CAMK1D: variants seen among roughly 807,000 people sequenced by gnomAD.
CAMK1D encodes calcium/calmodulin-dependent protein kinase type 1D.
CAMK1D carries 9 observed loss-of-function variants against 47.7 expected under a neutral mutation model. The ratio of observed to expected loss-of-function variants is 0.19; its 90% CI spans 0.11 to 0.33. The LOEUF is 0.33. Ranked by LOEUF, CAMK1D falls within the 10% of genes least tolerant of loss-of-function variation. The probability of loss-of-function intolerance (pLI) is 1.00; values close to 1 mark genes in which losing one functional copy is unlikely to be tolerated. For missense variants in CAMK1D, 291 were observed against 488.7 expected (o/e 0.60, Z 3.81); for synonymous variants, 184 against 184.9 (o/e 0.99, Z 0.04).
At chr10:12,611,515 T>G (rs1181186880) in intron 2 of CAMK1D, among the ~76,000 whole-genome samples, 1 of 150,832 alleles carries the variant, frequency 6.6e-6, no homozygotes, top group African/African-American at 2.4e-5. Context: ...AGCTCTGCTG[T>G]GTGGTACCTG....
chr10:12,762,410 A>G (rs1370679994), intron 4 of CAMK1D, among the ~76,000 whole-genome samples: 1 of 152,224 alleles, frequency 6.6e-6, no homozygotes, highest in Non-Finnish European at 1.5e-5. Context: ...TAAGGAATAA[A>G]GTGGTGTAGC....
At chr10:12,539,136 T>G (rs1426709749) in intron 1 of CAMK1D, among the ~76,000 whole-genome samples, 2 of 152,240 alleles carry the variant, frequency 1.3e-5, no homozygotes, top group Non-Finnish European at 2.9e-5. Context: ...ATTTTTCCAG[T>G]GTTCTGCTAT....
chr10:12,504,694 G>T (rs1209629318), intron 1 of CAMK1D, among the ~76,000 whole-genome samples: 2 of 152,174 alleles, frequency 1.3e-5, no homozygotes, highest in African/African-American at 4.8e-5. Context: ...GGCTGAATTT[G>T]AGATTCCCTG....
chr10:12,620,003 T>A (rs1838941314), intron 2 of CAMK1D, among the ~76,000 whole-genome samples: 1 of 152,118 alleles, frequency 6.6e-6, no homozygotes, highest in Non-Finnish European at 1.5e-5. Context: ...TTTATCGAAG[T>A]TGTTGTATGT....
chr10:12,623,724 C>G (rs184255769), intron 2 of CAMK1D, among the ~76,000 whole-genome samples: 214 of 151,852 alleles, frequency 1.4e-3, no homozygotes, highest in African/African-American at 5.0e-3. Flanking sequence ...TTTTTCCCCC[C>G]CAAAATAGCA....
chr10:12,786,828 A>G (rs1015358680), intron 5 of CAMK1D, among the ~76,000 whole-genome samples: 3 of 152,266 alleles, frequency 2.0e-5, no homozygotes, highest in African/African-American at 7.2e-5. Context: ...GGCTGCAAGA[A>G]TCTAAACATC....
At chr10:12,585,768 A>G (rs568708427) in intron 2 of CAMK1D, among the ~76,000 whole-genome samples, 1 of 152,304 alleles carries the variant, frequency 6.6e-6, no homozygotes, top group South Asian at 2.1e-4. Flanking sequence ...GGGAGCTACA[A>G]TGCAAGATGA....
chr10:12,709,331 T>A lies in CAMK1D; in HGVS notation c.299+42521T>A, dbSNP rs376775522. 3.9e-3 allele frequency among the ~76,000 whole-genome samples: 601 copies of A among 152,262 alleles called. 7 individuals are homozygous for A. The highest frequency in any genetic ancestry group is 0.013 in the African/African-American group (555 of 41,554). On this transcript the variant is annotated intron_variant, in intron 3 of 10. Transcript: ENST00000619168. ...AAGGCCGTGGTTGGAGGATTTTTTT[T>A]TTTTTCTTGGTAAAGGGAGACAGTG...
intron 1 of CAMK1D, among the ~76,000 whole-genome samples, chr10:12,463,422 G>A (rs1460801227): frequency 1.3e-5 from 2 of 152,172 alleles, no homozygotes; most frequent in African/African-American, 4.8e-5. Context: ...ACAGGTGTGA[G>A]CCACTGCACT....
chr10:12,530,667 T>A (rs1394986588), intron 1 of CAMK1D, among the ~76,000 whole-genome samples: 1 of 152,130 alleles, frequency 6.6e-6, no homozygotes, highest in African/African-American at 2.4e-5. Context: ...AGGCAGCGGT[T>A]CCCCCTAGTT....
chr10:12,393,935 C>T (rs1838842207), intron 1 of CAMK1D, among the ~76,000 whole-genome samples: 1 of 152,212 alleles, frequency 6.6e-6, no homozygotes, highest in African/African-American at 2.4e-5. Flanking sequence ...TAGAATTCAC[C>T]TGTGACACTG....
intron 6 of CAMK1D, among the ~76,000 whole-genome samples, chr10:12,800,633 T>G (rs1443307081): frequency 6.6e-6 from 1 of 152,218 alleles, no homozygotes; most frequent in Non-Finnish European, 1.5e-5. Context: ...ACATGGAGAT[T>G]TGTTGCTTCG....
intron 3 of CAMK1D, among the ~76,000 whole-genome samples, chr10:12,675,586 C>T (rs1229995136): frequency 7.9e-5 from 12 of 152,346 alleles, no homozygotes; most frequent in Middle Eastern, 3.4e-3. Context: ...CACTTTTCCT[C>T]GTCTCTATAC....
intron 1 of CAMK1D, among the ~76,000 whole-genome samples, chr10:12,375,431 A>G (rs1838147871): frequency 6.6e-6 from 1 of 152,160 alleles, no homozygotes; most frequent in African/African-American, 2.4e-5. Flanking sequence ...AGCTGCAATG[A>G]GTGTTTAATC....
chr10:12,476,912 A>G (rs1833919216), intron 1 of CAMK1D, among the ~76,000 whole-genome samples: 1 of 152,162 alleles, frequency 6.6e-6, no homozygotes, highest in Admixed American at 6.5e-5. Flanking sequence ...TGAAGCCCAC[A>G]GTTAGAGGAG....
intron 2 of CAMK1D, 46 bp downstream of exon 2, chr10:12,553,402 C>CGT (rs774085044): frequency 7.3e-6 from 11 of 1,498,078 alleles, no homozygotes; most frequent in South Asian, 5.6e-5. Context: ...CCTCCTGGCC[C>CGT]GTGTGTCCTG....
intron 6 of CAMK1D, among the ~76,000 whole-genome samples, chr10:12,811,116 G>A (rs1443412369): frequency 1.3e-5 from 2 of 152,226 alleles, no homozygotes; most frequent in African/African-American, 4.8e-5. Context: ...GCAAATGCCA[G>A]TGTTATTCTG....
chr10:12,625,883 C>T (rs1050797206), intron 2 of CAMK1D, among the ~76,000 whole-genome samples: 2 of 152,158 alleles, frequency 1.3e-5, no homozygotes, highest in African/African-American at 4.8e-5. Context: ...AAAAGCCATG[C>T]ACTTGTATAA....
chr10:12,561,119 G>C (rs991722480), intron 2 of CAMK1D, among the ~76,000 whole-genome samples: 10 of 151,934 alleles, frequency 6.6e-5, no homozygotes, highest in African/African-American at 2.2e-4. Context: ...GGGTTTCACC[G>C]TGTTAGCCAG....
Sources: gnomAD v4.1 joint callset for allele counts (sites outside exome capture counted in the v4.1 genomes callset) on GRCh38, gnomAD v4.1.1 for gene constraint, MANE v1.5 for transcripts, NCBI Gene and HGNC (gene_info 2026-07-23, HGNC 2026-07-21) for gene names.